Variants in RAB3IL1 observed in about 807,000 individuals in gnomAD.
RAB3IL1 encodes the protein RAB3A interacting protein like 1, also known as guanine nucleotide exchange factor for Rab-3A.
A neutral mutation model predicts 49.2 loss-of-function variants in RAB3IL1; 37 were observed. That is an observed-to-expected ratio of 0.75 (90% CI 0.58 to 0.99). The LOEUF is 0.99. Ranked by LOEUF, RAB3IL1 falls within the 50% of genes least tolerant of loss-of-function variation. RAB3IL1 has a pLI of 0.00. For missense variants in RAB3IL1, 484 were observed against 513.0 expected, an observed-to-expected ratio of 0.94 and a Z score of 0.55; for synonymous variants, 193 against 213.9, an observed-to-expected ratio of 0.90 and a Z score of 0.85.
the RAB3IL1 span, among the ~76,000 whole-genome samples, chr11:61,941,834 C>T: frequency 6.6e-6 from 1 of 152,180 alleles, no homozygotes; most frequent in Non-Finnish European, 1.5e-5. Flanking sequence ...CAAATCCAAT[C>T]CAGCAACATG....
chr11:61,906,560 C>G lies in RAB3IL1; in HGVS notation c.563G>C (p.Gly188Ala). 1 of 1,590,796 alleles carries G rather than the reference C, an allele frequency of 6.3e-7. No individual in the cohort carries two copies. Among genetic ancestry groups the G allele is most frequent in the Non-Finnish European group, 8.6e-7 (1 of 1,169,152 alleles). ...LSPTKAGPRK[G>A]HSRHKSTSST... ...GCTGGTGCTCTTGTGGCGAGAGTGG[C>G]CCTTTCGGGGCCCGGCCTTGGTGGG... Residue 188 changes from glycine to alanine, a missense_variant, in exon 5 of 10, where the codon GGC becomes GCC. Coordinates refer to ENST00000394836, the MANE Select transcript of RAB3IL1 (RefSeq NM_013401.4). The surrounding 1 kb of genome is among the most constrained non-coding windows in gnomAD (Gnocchi z 4.6).
In RAB3IL1 at chr11:61,906,407, C is replaced by T; in HGVS notation, c.657+59G>A. The T allele has an allele frequency of 6.8e-7, 1 of 1,463,312 alleles. No homozygotes were observed. Among genetic ancestry groups the T allele is most frequent in the Non-Finnish European group, 9.2e-7 (1 of 1,081,648 alleles). 90.6% of individuals were successfully genotyped at this position (1,463,312 alleles called of 1,614,324 possible). ...GGCTGGTCCTCACTGGGCTCGGACC[C>T]TGCCTACCGCAGGCACTGCCACCCT... On this transcript the variant is annotated intron_variant, in intron 5 of 9. Transcript: ENST00000394836. The surrounding 1 kb of genome is among the most constrained non-coding windows in gnomAD (Gnocchi z 4.6).
the RAB3IL1 span, among the ~76,000 whole-genome samples, chr11:61,932,206 T>G: frequency 6.8e-6 from 1 of 146,838 alleles, no homozygotes; most frequent in African/African-American, 2.5e-5. Flanking sequence ...AGCCGAGATC[T>G]CACCACTGCA....
the RAB3IL1 span, among the ~76,000 whole-genome samples, chr11:61,938,678 C>T: frequency 1.3e-5 from 2 of 152,148 alleles, no homozygotes; most frequent in African/African-American, 2.4e-5. Flanking sequence ...CTAATCCCAG[C>T]ACTTTGGGAG....
chr11:61,908,092 A>G lies in RAB3IL1; in HGVS notation c.226T>C (p.Ser76Pro). Residue 76 changes from serine (S) to proline (P), a missense_variant, in exon 2 of 10, where the codon TCC becomes CCC. Physicochemically the swap from Ser to Pro is moderately conservative, Grantham distance 74. Transcript: ENST00000394836. ...TGCAGCTCCTCCTTCAGGAACTCGG[A>G]GCCCTTCTCTCGGATCTCCATGGAA... is the stretch of plus-strand genomic sequence containing the variant. ...SSSMEIREKG[S>P]EFLKEELHRA... The G allele has an allele frequency of 6.2e-7, 1 of 1,611,236 alleles. No homozygotes were observed. Among genetic ancestry groups the G allele is most frequent in the Non-Finnish European group, 8.5e-7 (1 of 1,179,444 alleles).
Position 61,907,743 on chromosome 11 carries a change from C to A in RAB3IL1, c.265-83G>T, listed in dbSNP as rs572706292. 1.2e-5 allele frequency: 15 copies of A among 1,256,852 alleles called. 1 individual carries two copies. In the African/African-American group the frequency reaches 2.1e-4, roughly 18 times the overall value. 77.9% of individuals were successfully genotyped at this position (1,256,852 alleles called of 1,614,324 possible). Reference sequence around the variant, plus strand: ...GGGACCAGGCCCACCGGACCAGGTTCCATCCCCTCGTCATTTTATGTGGGG... The same window carrying A: ...GGGACCAGGCCCACCGGACCAGGTTACATCCCCTCGTCATTTTATGTGGGG... On this transcript the variant is annotated intron_variant, in intron 2 of 9. Coordinates refer to ENST00000394836, the MANE Select transcript of RAB3IL1 (RefSeq NM_013401.4).
At chr11:61,928,966 G>T in the RAB3IL1 span, among the ~76,000 whole-genome samples, 195 of 152,088 alleles carry the variant, frequency 1.3e-3, no homozygotes, top group Non-Finnish European at 1.3e-4. Flanking sequence ...TGAATTTTTA[G>T]AATCTGTTTT....
upstream of RAB3IL1, among the ~76,000 whole-genome samples, chr11:61,919,866 C>G (rs952929126): frequency 1.3e-5 from 2 of 152,216 alleles, no homozygotes; most frequent in Admixed American, 1.3e-4. Flanking sequence ...CTGTGTGACC[C>G]AGGATGAGTG....
the RAB3IL1 span, among the ~76,000 whole-genome samples, chr11:61,934,369 C>T: frequency 1.4e-5 from 2 of 143,022 alleles, no homozygotes; most frequent in African/African-American, 2.6e-5. Context: ...TATATATACA[C>T]ACAATATATA....
intron 7 of RAB3IL1, 46 bp from the exon 8 acceptor site, chr11:61,902,587 C>A (rs753666686): frequency 6.6e-7 from 1 of 1,506,634 alleles, no homozygotes; most frequent in East Asian, 2.4e-5. Context: ...GGGGCTTGCC[C>A]CTCTCCCTCA....
At chr11:61,928,503 A>G in the RAB3IL1 span, among the ~76,000 whole-genome samples, 1 of 152,112 alleles carries the variant, frequency 6.6e-6, no homozygotes, top group East Asian at 1.9e-4. Context: ...CTCAAAATAC[A>G]TGAAGCTAGG....
chr11:61,942,394 C>T, the RAB3IL1 span, among the ~76,000 whole-genome samples: 1 of 152,090 alleles, frequency 6.6e-6, no homozygotes, highest in African/African-American at 2.4e-5. Flanking sequence ...ACCTTCCCTC[C>T]ACTATTGTCC....
chr11:61,922,090 T>G (rs2134376391), upstream of RAB3IL1, among the ~76,000 whole-genome samples: 1 of 152,002 alleles, frequency 6.6e-6, no homozygotes, highest in East Asian at 1.9e-4. Flanking sequence ...GCGCCTGTAG[T>G]CCCAGCTACT....
At chr11:61,940,660 C>T in the RAB3IL1 span, among the ~76,000 whole-genome samples, 11 of 151,752 alleles carry the variant, frequency 7.2e-5, no homozygotes, top group East Asian at 1.9e-4. Flanking sequence ...CGGTGGCTCA[C>T]GCCTGTAATC....
intron 6 of RAB3IL1, 22 bp downstream of exon 6, chr11:61,904,732 C>A: frequency 1.3e-6 from 2 of 1,581,866 alleles, no homozygotes; most frequent in South Asian, 2.3e-5. Flanking sequence ...CCCCAGCTGG[C>A]CCCGCCCCTG....
intron 8 of RAB3IL1, among the ~76,000 whole-genome samples, chr11:61,900,668 G>A (rs1453688671): frequency 8.5e-5 from 13 of 152,132 alleles, no homozygotes. Context: ...TCCAGGGAGT[G>A]TGCTAGGGAG....
upstream of RAB3IL1, among the ~76,000 whole-genome samples, chr11:61,918,320 G>A (rs563660119): frequency 7.9e-5 from 12 of 152,292 alleles, no homozygotes; most frequent in South Asian, 4.1e-4. Context: ...AGCAGAACCC[G>A]TCTTCTCTCC....
At chr11:61,920,510 G>A (rs1233648506), upstream of RAB3IL1, among the ~76,000 whole-genome samples, 2 of 152,222 alleles carry the variant, frequency 1.3e-5, no homozygotes, top group East Asian at 1.9e-4. Flanking sequence ...CCCTCACCAC[G>A]CAGGCTGGGG....
At chr11:61,944,637 C>T in the RAB3IL1 span, among the ~76,000 whole-genome samples, 1 of 152,176 alleles carries the variant, frequency 6.6e-6, no homozygotes, top group East Asian at 1.9e-4. Context: ...ATTCACTTTT[C>T]TATCTGAAGT....
Sources: gnomAD v4.1 joint callset for allele counts (sites outside exome capture counted in the v4.1 genomes callset) on GRCh38, gnomAD v4.1.1 for gene constraint, Gnocchi (gnomAD v3.1) non-coding constraint, MANE v1.5 for transcripts, NCBI Gene and HGNC (gene_info 2026-07-23, HGNC 2026-07-21) for gene names.